ZRANB3: variants seen among roughly 807,000 people sequenced by gnomAD.
ZRANB3 encodes DNA annealing helicase and endonuclease ZRANB3.
ZRANB3 carries 125 observed loss-of-function variants against 133.8 expected under a neutral mutation model. The observed-to-expected ratio is 0.93, with a 90% CI of 0.81 to 1.08. ZRANB3 has a LOEUF of 1.08. ZRANB3 is among the 50% of genes least tolerant of loss of function. ZRANB3 has a pLI of 0.00. For synonymous variants in ZRANB3, 387 were observed against 432.7 expected (o/e 0.89, Z 1.31); for missense variants, 1,229 against 1,275.5 (o/e 0.96, Z 0.56).
At chr2:135,292,215 G>T (rs991952826) in intron 8 of ZRANB3, among the ~76,000 whole-genome samples, 12 of 152,182 alleles carry the variant, frequency 7.9e-5, no homozygotes, top group African/African-American at 2.9e-4. Context: ...CCCACCAACA[G>T]TGTAAAAGTG....
At chr2:135,413,302 G>A (rs185085886) in intron 2 of ZRANB3, among the ~76,000 whole-genome samples, 2 of 152,194 alleles carry the variant, frequency 1.3e-5, no homozygotes, top group Non-Finnish European at 2.9e-5. Context: ...TCTCTTACGT[G>A]TTATGTGGTC....
intron 3 of ZRANB3, among the ~76,000 whole-genome samples, chr2:135,366,288 A>C (rs1685935270): frequency 6.6e-6 from 1 of 152,042 alleles, no homozygotes; most frequent in South Asian, 2.1e-4. Flanking sequence ...GGGAGAAAGA[A>C]AGGACGCCTT....
At chr2:135,433,893 A>C (rs1035170676) in intron 2 of ZRANB3, among the ~76,000 whole-genome samples, 2 of 152,194 alleles carry the variant, frequency 1.3e-5, no homozygotes, top group Non-Finnish European at 2.9e-5. Flanking sequence ...GCTACTTGGG[A>C]GGCTGAGGCA....
chr2:135,428,426 CAAAAAAAAAA>C (rs34645774), intron 2 of ZRANB3, among the ~76,000 whole-genome samples: 4 of 75,242 alleles, frequency 5.3e-5, no homozygotes, highest in African/African-American at 1.3e-4. Context: ...ACTTTGTTTC[CAAAAAAAAAA>C]AAAAAAAAAA....
At chr2:135,448,873 C>T (rs1690143805) in intron 2 of ZRANB3, among the ~76,000 whole-genome samples, 2 of 152,178 alleles carry the variant, frequency 1.3e-5, no homozygotes, top group South Asian at 4.1e-4. Flanking sequence ...AAAATGGCTG[C>T]ACCAATACTT....
chr2:135,479,143 T>G (rs1691643850), intron 2 of ZRANB3, among the ~76,000 whole-genome samples: 1 of 151,984 alleles, frequency 6.6e-6, no homozygotes. Flanking sequence ...CTGGTGGATA[T>G]GTATGTAGTG....
intron 2 of ZRANB3, among the ~76,000 whole-genome samples, chr2:135,476,354 G>T (rs892516845): frequency 6.6e-6 from 1 of 152,058 alleles, no homozygotes; most frequent in Non-Finnish European, 1.5e-5. Context: ...AGTATTTATG[G>T]GTAAAATATA....
intron 8 of ZRANB3, among the ~76,000 whole-genome samples, chr2:135,304,519 T>C (rs990194038): frequency 6.6e-6 from 1 of 152,146 alleles, no homozygotes; most frequent in Non-Finnish European, 1.5e-5. Context: ...TTCTCATTAT[T>C]TTGTTTGTCT....
At chr2:135,372,195 A>C (rs1335868684) in intron 3 of ZRANB3, among the ~76,000 whole-genome samples, 1 of 151,834 alleles carries the variant, frequency 6.6e-6, no homozygotes, top group Non-Finnish European at 1.5e-5. Context: ...GACACAGAGA[A>C]ACTTAAGACT....
At chr2:135,351,201 A>T (rs2104874281) in intron 4 of ZRANB3, among the ~76,000 whole-genome samples, 1 of 152,032 alleles carries the variant, frequency 6.6e-6, no homozygotes, top group East Asian at 1.9e-4. Context: ...AGCAGCCAGA[A>T]CCACTATGGC....
chr2:135,354,060 AATAAAAAG>A (rs1685326380), intron 3 of ZRANB3, among the ~76,000 whole-genome samples: 1 of 152,228 alleles, frequency 6.6e-6, no homozygotes, highest in African/African-American at 2.4e-5. Context: ...TTATACAGTT[AATAAAAAG>A]TTTGAGATAA....
chr2:135,227,837 G>C lies in ZRANB3; in HGVS notation c.2133C>G (p.Asp711Glu). The C allele has an allele frequency of 1.9e-6, 3 of 1,576,512 alleles. No homozygotes were observed. The highest frequency in any genetic ancestry group is 2.6e-6 in the Non-Finnish European group (3 of 1,159,116). The change falls in exon 14 of 21, where the codon GAC becomes GAG. Residue 711 changes from aspartate to glutamate, a missense_variant. Coordinates refer to ENST00000264159, the MANE Select transcript of ZRANB3 (RefSeq NM_032143.4). ...KEETPKIEKE[D>E]GLTSQPGNEQ... ...CATTACCTGGCTGGGATGTAAGTCC[G>C]TCTTCTTTCTCAATTTTTGGTGTTT...
At chr2:135,394,997 A>C (rs1425012922) in intron 2 of ZRANB3, among the ~76,000 whole-genome samples, 1 of 151,800 alleles carries the variant, frequency 6.6e-6, no homozygotes, top group Non-Finnish European at 1.5e-5. Flanking sequence ...ACAGAAACAG[A>C]AAAAACAATT....
At chr2:135,357,422 A>C (rs1246385150) in intron 3 of ZRANB3, among the ~76,000 whole-genome samples, 1 of 152,034 alleles carries the variant, frequency 6.6e-6, no homozygotes. Context: ...CAGCCTCCCG[A>C]GTAGCTGGGA....
intron 2 of ZRANB3, among the ~76,000 whole-genome samples, chr2:135,503,694 C>T (rs1306925050): frequency 3.3e-5 from 5 of 152,140 alleles, no homozygotes; most frequent in Non-Finnish European, 7.4e-5. Context: ...GGTGCAGTGG[C>T]TCATGCCTGT....
chr2:135,472,986 G>A (rs1031286359), intron 2 of ZRANB3, among the ~76,000 whole-genome samples: 1 of 152,150 alleles, frequency 6.6e-6, no homozygotes, highest in Non-Finnish European at 1.5e-5. Context: ...TATACCCTAA[G>A]AAAGTGGACC....
At chr2:135,378,171 A>T (rs142267778) in intron 3 of ZRANB3, among the ~76,000 whole-genome samples, 12 of 152,220 alleles carry the variant, frequency 7.9e-5, no homozygotes, top group African/African-American at 2.7e-4. Context: ...CTGTCCCTCT[A>T]GAGAACCCTG....
intron 3 of ZRANB3, among the ~76,000 whole-genome samples, chr2:135,382,209 T>C (rs1032507470): frequency 6.6e-6 from 1 of 152,142 alleles, no homozygotes; most frequent in East Asian, 1.9e-4. Flanking sequence ...CAAGCTTCAT[T>C]AGCCGATTCG....
intron 1 of ZRANB3, among the ~76,000 whole-genome samples, chr2:135,527,752 G>T (rs766880074): frequency 2.8e-4 from 43 of 152,120 alleles, no homozygotes; most frequent in Non-Finnish European, 5.4e-4. Context: ...ACTGTTGCAA[G>T]TTTTTTCAAT....
Sources: allele counts gnomAD v4.1 joint callset (sites outside exome capture counted in the v4.1 genomes callset), GRCh38; gene constraint gnomAD v4.1.1; transcripts MANE v1.5; gene names NCBI Gene and HGNC (gene_info 2026-07-23, HGNC 2026-07-21).